Variants in SAMD4B observed in about 807,000 individuals in gnomAD.
The protein encoded by SAMD4B is protein Smaug homolog 2.
In SAMD4B, 5 loss-of-function variants were observed where a neutral mutation model predicts 74.5. The ratio of observed to expected loss-of-function variants is 0.07; its 90% confidence interval spans 0.04 to 0.14. SAMD4B has a LOEUF of 0.14. Among genes scored for constraint, SAMD4B ranks in the 10% least tolerant of loss-of-function variants. The probability of loss-of-function intolerance (pLI) is 1.00; values close to 1 mark genes in which losing one functional copy is unlikely to be tolerated. For missense variants in SAMD4B, 608 were observed against 921.8 expected (o/e 0.66, Z 4.41); for synonymous variants, 373 against 374.9 (o/e 1.00, Z 0.06).
intron 1 of SAMD4B, chr19:39,351,697 T>C (rs535161974): frequency 6.6e-6 from 1 of 152,186 alleles, no homozygotes; most frequent in South Asian, 2.1e-4. Context: ...GACTTTGCTG[T>C]CATCTGTTAG....
At chr19:39,353,533 A>G (rs2076171521) in intron 1 of SAMD4B, among the ~76,000 whole-genome samples, 1 of 152,106 alleles carries the variant, frequency 6.6e-6, no homozygotes. Context: ...TGTACATATT[A>G]CTGTGTAGCT....
In SAMD4B at chr19:39,381,125, C is replaced by T. The variant is rs1600590362; in HGVS notation, c.1972+12C>T. On this transcript the variant is annotated intron_variant, in intron 12 of 13. Transcript: ENST00000610417. The stretch of plus-strand genomic sequence containing the variant: ...CATGTTCCCTCCAGGTGAGGTGCCC[C>T]ACCCTTGGGACTCTGCCTGGCCAAC... The T allele has an allele frequency of 6.3e-7, 1 of 1,589,474 alleles. No individual in the cohort carries two copies. Among genetic ancestry groups the T allele is most frequent in the African/African-American group, 1.3e-5 (1 of 74,366 alleles).
intron 1 of SAMD4B, among the ~76,000 whole-genome samples, chr19:39,348,835 G>T (rs1600513483): frequency 6.6e-6 from 1 of 152,140 alleles, no homozygotes; most frequent in East Asian, 1.9e-4. Context: ...TAGAGAAGCA[G>T]ATATATTTTG....
At chr19:39,343,593 T>C (rs893935263) in intron 1 of SAMD4B, among the ~76,000 whole-genome samples, 3 of 144,818 alleles carry the variant, frequency 2.1e-5, no homozygotes, top group Non-Finnish European at 4.5e-5. Flanking sequence ...CTCACCACCC[T>C]AAAATGCCCT....
Position 39,385,317 on chromosome 19 carries a change from C to T in SAMD4B, c.*1790C>T, listed in dbSNP as rs2078219002. The T allele has an allele frequency of 2.6e-6, 1 of 387,344 alleles. No individual in the cohort carries two copies. The highest frequency in any genetic ancestry group is 2.1e-5 in the African/African-American group (1 of 48,296). 24.0% of individuals were successfully genotyped at this position (387,344 alleles called of 1,614,324 possible). ...TCCCTCTCATGGGACCCTCCCCTCT[C>T]CCCAGCCTGTCCTGTCTTGTTCACT... On this transcript the variant is annotated 3_prime_UTR_variant, in exon 14 of 14. Coordinates refer to ENST00000610417, the MANE Select transcript of SAMD4B (RefSeq NM_001384574.2).
chr19:39,388,848 A>C (rs753613265), downstream of SAMD4B: 1 of 1,614,170 alleles, frequency 6.2e-7, no homozygotes, highest in South Asian at 1.1e-5. Context: ...TCACCTGAGC[A>C]CATGGATTGA....
intron 1 of SAMD4B, among the ~76,000 whole-genome samples, chr19:39,344,653 G>A (rs540117327): frequency 6.6e-6 from 1 of 152,056 alleles, no homozygotes; most frequent in Non-Finnish European, 1.5e-5. Context: ...TCAACTCAGA[G>A]ACCTTTCTCA....
At chr19:39,390,375 T>C, downstream of SAMD4B, 3 of 1,297,924 alleles carry the variant, frequency 2.3e-6, no homozygotes, top group Non-Finnish European at 3.3e-6. Flanking sequence ...TTTCAAAAGG[T>C]AGGAGGGGTG....
chr19:39,350,462 C>G (rs1172908045), intron 1 of SAMD4B: 3 of 152,216 alleles, frequency 2.0e-5, no homozygotes, highest in East Asian at 1.9e-4. Flanking sequence ...GGCAGTTTGT[C>G]CTGGAACATC....
At position 39,369,964 on chromosome 19, in the gene SAMD4B, G is replaced by T. The variant is rs763187161; in HGVS notation, c.506G>T (p.Arg169Leu). The part of the protein sequence containing the change: ...RSRPEPSYHS[R>L]QGSDEWGGPA... ...CGGCCAGAGCCCTCCTACCATTCAC[G>T]TCAAGGCTCAGATGAGTGGGGGGGC... The change falls in exon 4 of 14, where the codon CGT becomes CTT. Residue 169 changes from arginine to leucine, a missense_variant. Arg to Leu is a moderately radical substitution (Grantham distance 102). Around this residue, in one of 9 missense-constraint regions of SAMD4B, gnomAD observed 153 missense variants for 153.0 expected, o/e 1.00. Transcript: ENST00000610417. 1 of 1,613,750 alleles carries T rather than the reference G, an allele frequency of 6.2e-7. No homozygotes were observed. The highest frequency in any genetic ancestry group is 1.1e-5 in the South Asian group (1 of 91,016).
chr19:39,360,909 G>C (rs1034340617), intron 3 of SAMD4B, among the ~76,000 whole-genome samples: 32 of 152,088 alleles, frequency 2.1e-4, no homozygotes, highest in African/African-American at 6.8e-4. Context: ...AGGTTCTTCT[G>C]CTCACCAGGC....
At position 39,356,731 on chromosome 19, in the gene SAMD4B, G is replaced by A; in HGVS notation, c.-163G>A. 1.7e-6 allele frequency: 1 copy of A among 584,302 alleles called. No homozygotes were observed. The highest frequency in any genetic ancestry group is 3.0e-6 in the Non-Finnish European group (1 of 332,712). The allele number at this position is 584,302 out of a possible 1,614,324, so 36.2% of individuals were successfully genotyped here. On this transcript the variant is annotated 5_prime_UTR_variant, in exon 3 of 14. An upstream open reading frame in the 5' UTR loses its in-frame stop. Coordinates refer to ENST00000610417, the MANE Select transcript of SAMD4B (RefSeq NM_001384574.2). ...GCTGGACCAAGACCTCCCCCCATGT[G>A]AGCAGGCTTCCTCCTCCCCCAACAA...
intron 8 of SAMD4B, 22 bp downstream of exon 8, chr19:39,377,846 C>G (rs1303660566): frequency 6.5e-7 from 1 of 1,545,440 alleles, no homozygotes; most frequent in South Asian, 1.2e-5. Context: ...CACAGCCTAG[C>G]AGGAAATCCT....
At chr19:39,390,021 C>T, downstream of SAMD4B, 1 of 1,455,772 alleles carries the variant, frequency 6.9e-7, no homozygotes, top group Non-Finnish European at 9.6e-7. Context: ...GCAGTCCCTG[C>T]CTTCAAGGAA....
At chr19:39,389,989 C>A, downstream of SAMD4B, 1 of 1,209,870 alleles carries the variant, frequency 8.3e-7, no homozygotes, top group South Asian at 1.2e-5. This position sits in a 1 kb window ranked among gnomAD's most constrained non-coding sequence, Gnocchi z 5.3. Flanking sequence ...AGGCCCTGAG[C>A]AGACAGCAGC....
At chr19:39,389,123 A>G (rs765713138), downstream of SAMD4B, 3 of 1,614,112 alleles carry the variant, frequency 1.9e-6, no homozygotes, top group Non-Finnish European at 1.7e-6. The surrounding 1 kb of genome is among the most constrained non-coding windows in gnomAD (Gnocchi z 5.3). Context: ...AAGTCTTCTC[A>G]ATGGCTGTGA....
chr19:39,381,484 T>C lies in SAMD4B; in HGVS notation c.1972+371T>C, dbSNP rs138038092. Among the ~76,000 whole-genome samples, 597 of 152,144 alleles carry C rather than the reference T, an allele frequency of 3.9e-3. 4 individuals are homozygous for C. The highest frequency in any genetic ancestry group is 0.012 in the African/African-American group (506 of 41,508). ...TTGAGGGGATGGGACAGTTAAAGTGTGAGATTTCTGTGGAGGGGAGTCCTG... is the reference window on the plus strand; with the variant it reads ...TTGAGGGGATGGGACAGTTAAAGTGCGAGATTTCTGTGGAGGGGAGTCCTG... On this transcript the variant is annotated intron_variant, in intron 12 of 13. Coordinates refer to ENST00000610417, the MANE Select transcript of SAMD4B (RefSeq NM_001384574.2).
chr19:39,362,647 C>T (rs1199230561), intron 3 of SAMD4B, among the ~76,000 whole-genome samples: 1 of 152,190 alleles, frequency 6.6e-6, no homozygotes, highest in Non-Finnish European at 1.5e-5. Context: ...CTGGTCCTCT[C>T]CTTTCCTCTG....
At position 39,342,442 on chromosome 19, in the gene SAMD4B, A is replaced by ACGGCGGCGGCGGCGG. The variant is rs920214608; in HGVS notation, c.-391_-377dup. ...ACGCACGGCGCGGTGACGCAGCGCGACGGCGGCGGCGGCGGCGGCGGCGGT... is the reference window on the plus strand; with the variant it reads ...ACGCACGGCGCGGTGACGCAGCGCGACGGCGGCGGCGGCGGCGGCGGCGGCGGCGGCGGCGGCGGT... On this transcript the variant is annotated 5_prime_UTR_variant, in exon 1 of 14. Coordinates refer to ENST00000610417, the MANE Select transcript of SAMD4B (RefSeq NM_001384574.2). The ACGGCGGCGGCGGCGG allele has an allele frequency of 1.1e-5, 2 of 176,042 alleles. No homozygotes were observed. The highest frequency in any genetic ancestry group is 2.4e-5 in the African/African-American group (1 of 41,096). 10.9% of individuals were successfully genotyped at this position (176,042 alleles called of 1,614,324 possible).
Sources: gnomAD v4.1 joint callset for allele counts (sites outside exome capture counted in the v4.1 genomes callset) on GRCh38, gnomAD v4.1.1 for gene constraint, gnomAD v4.1.1 regional missense constraint, Gnocchi (gnomAD v3.1) non-coding constraint, MANE v1.5 for transcripts, NCBI Gene and HGNC (gene_info 2026-07-23, HGNC 2026-07-21) for gene names.